SLC12A2: variants seen among roughly 807,000 people sequenced by gnomAD.
SLC12A2 encodes the protein Na-K-2Cl cotransporter 1.
A neutral mutation model predicts 136.3 loss-of-function variants in SLC12A2; 67 were observed. That is an observed-to-expected ratio of 0.49 (90% CI 0.40 to 0.60). The LOEUF is 0.60. Among genes scored for constraint, SLC12A2 ranks in the 20% least tolerant of loss-of-function variants. The pLI, the probability that SLC12A2 is intolerant of heterozygous loss-of-function variation, is 0.00. For missense variants in SLC12A2, 1,322 were observed against 1,534.7 expected (o/e 0.86, Z 2.32); for synonymous variants, 619 against 562.9 (o/e 1.10, Z -1.41).
At chr5:128,152,915 C>T (rs764631167) in intron 15 of SLC12A2, 110 bp downstream of exon 15, 21 of 681,596 alleles carry the variant, frequency 3.1e-5, no homozygotes, top group Non-Finnish European at 5.2e-5. Flanking sequence ...CGGTCTTGGG[C>T]AGTTTAATTA....
At chr5:128,182,042 G>A (rs999962964) in intron 23 of SLC12A2, among the ~76,000 whole-genome samples, 169 of 149,644 alleles carry the variant, frequency 1.1e-3, no homozygotes, top group Non-Finnish European at 1.8e-3. Context: ...TCTTATTTAA[G>A]TTTTGTGGGC....
At chr5:128,145,062 G>T (rs1050252720) in intron 10 of SLC12A2, among the ~76,000 whole-genome samples, 6 of 152,060 alleles carry the variant, frequency 3.9e-5, no homozygotes, top group African/African-American at 1.2e-4. Flanking sequence ...AAGTGCAGAG[G>T]TTACTGGATA....
At chr5:128,094,969 T>A (rs868452648) in intron 1 of SLC12A2, among the ~76,000 whole-genome samples, 8 of 152,274 alleles carry the variant, frequency 5.3e-5, no homozygotes, top group Middle Eastern at 3.4e-3. Context: ...CAGAAAGATA[T>A]ATTAGATAGT....
intron 18 of SLC12A2, chr5:128,171,174 AC>A (rs1291288473): frequency 6.5e-6 from 1 of 153,482 alleles, no homozygotes; most frequent in Admixed American, 6.5e-5. Flanking sequence ...CACTGTTCAA[AC>A]CAGTTTTGTA....
Position 128,188,976 on chromosome 5 carries a change from G to A in SLC12A2, c.*2345G>A, listed in dbSNP as rs1581150298. 1 of 130,876 alleles carries A rather than the reference G, an allele frequency of 7.6e-6. No homozygotes were observed. Among genetic ancestry groups the A allele is most frequent in the South Asian group, 2.4e-4 (1 of 4,180 alleles). The allele number at this position is 130,876 out of a possible 1,614,324, so 8.1% of individuals were successfully genotyped here. A position where few individuals can be genotyped will look rare whatever the true frequency, so the allele number is the denominator to read the frequency against. On this transcript the variant is annotated 3_prime_UTR_variant, in exon 27 of 27. Coordinates refer to ENST00000262461, the MANE Select transcript of SLC12A2 (RefSeq NM_001046.3). ...ATTCAGGAAAACAACATTGTGATCT[G>A]TACTACAGGAACCAAATGTCATGCG...
intron 12 of SLC12A2, 90 bp from the exon 13 acceptor site, chr5:128,149,907 C>G: frequency 2.3e-6 from 2 of 863,678 alleles, no homozygotes; most frequent in Non-Finnish European, 3.8e-6. Context: ...TGGGGTGTTA[C>G]GTTGTTATCT....
intron 10 of SLC12A2, among the ~76,000 whole-genome samples, chr5:128,142,676 C>G (rs937891997): frequency 5.9e-5 from 9 of 152,022 alleles, no homozygotes; most frequent in African/African-American, 1.7e-4. Context: ...ATCTTCGTGT[C>G]TGTCCTTGTG....
intron 5 of SLC12A2, 108 bp from the exon 6 acceptor site, chr5:128,134,057 A>C (rs75598071): frequency 1.7e-6 from 1 of 604,812 alleles, no homozygotes; most frequent in Non-Finnish European, 3.0e-6. Context: ...CATTTATTCA[A>C]CTTCTTCATG....
intron 1 of SLC12A2, among the ~76,000 whole-genome samples, chr5:128,088,911 G>A (rs748237051): frequency 2.0e-5 from 3 of 152,138 alleles, no homozygotes; most frequent in African/African-American, 4.8e-5. Flanking sequence ...GCTCACTCCT[G>A]TAATCCCAGC....
intron 19 of SLC12A2, 126 bp downstream of exon 19, chr5:128,171,872 G>A (rs1763386098): frequency 1.0e-5 from 6 of 583,040 alleles, no homozygotes; most frequent in Admixed American, 6.8e-5. Flanking sequence ...TTATTGTATG[G>A]CATTTTAAGA....
intron 4 of SLC12A2, among the ~76,000 whole-genome samples, chr5:128,120,137 C>T (rs1413779697): frequency 5.4e-4 from 82 of 152,120 alleles, no homozygotes; most frequent in Admixed American, 2.5e-3. Context: ...ATCAGAGAAA[C>T]GCAAACCAAA....
At chr5:128,090,198 G>C (rs569878529) in intron 1 of SLC12A2, among the ~76,000 whole-genome samples, 1 of 152,234 alleles carries the variant, frequency 6.6e-6, no homozygotes, top group East Asian at 1.9e-4. Context: ...ATAGAAAACA[G>C]CTTTTAATTT....
intron 4 of SLC12A2, among the ~76,000 whole-genome samples, chr5:128,125,628 C>T (rs1177543998): frequency 6.6e-6 from 1 of 152,042 alleles, no homozygotes; most frequent in Non-Finnish European, 1.5e-5. Context: ...TTTTCTTAAT[C>T]ATGTCTTTCA....
At chr5:128,094,302 G>A (rs1760442797) in intron 1 of SLC12A2, among the ~76,000 whole-genome samples, 1 of 151,340 alleles carries the variant, frequency 6.6e-6, no homozygotes, top group African/African-American at 2.4e-5. Flanking sequence ...ACATATTAAT[G>A]TGGTACAAAA....
intron 4 of SLC12A2, among the ~76,000 whole-genome samples, chr5:128,129,318 T>A (rs1761930984): frequency 6.6e-6 from 1 of 152,130 alleles, no homozygotes; most frequent in Non-Finnish European, 1.5e-5. Context: ...ATTTTACTTG[T>A]GATTAATTAT....
chr5:128,110,727 C>A (rs1490686007), intron 1 of SLC12A2: 3 of 1,452,160 alleles, frequency 2.1e-6, no homozygotes. Context: ...CAGTGAAGAG[C>A]AACCTGAGCG....
chr5:128,148,390 G>A (rs1762596434), intron 11 of SLC12A2, among the ~76,000 whole-genome samples: 1 of 151,714 alleles, frequency 6.6e-6, no homozygotes, highest in Non-Finnish European at 1.5e-5. Flanking sequence ...TTATAATCAA[G>A]ATTTTTATCT....
At chr5:128,152,516 A>C (rs1241337233) in intron 14 of SLC12A2, among the ~76,000 whole-genome samples, 190 bp from the exon 15 acceptor site, 6 of 152,218 alleles carry the variant, frequency 3.9e-5, no homozygotes, top group Non-Finnish European at 7.3e-5. Context: ...CTTTTTCTTT[A>C]AATGAATTAT....
intron 5 of SLC12A2, among the ~76,000 whole-genome samples, chr5:128,133,667 A>G (rs1762097696): frequency 6.6e-6 from 1 of 152,038 alleles, no homozygotes. Context: ...CTAGATGGGA[A>G]TCTTTTAAAA....
Sources: gnomAD v4.1 joint callset for allele counts (sites outside exome capture counted in the v4.1 genomes callset) on GRCh38, gnomAD v4.1.1 for gene constraint, MANE v1.5 for transcripts, NCBI Gene and HGNC (gene_info 2026-07-23, HGNC 2026-07-21) for gene names.